The following MS4A4E variants were observed in gnomAD, a reference collection of about 807,000 sequenced individuals.
MS4A4E encodes putative membrane-spanning 4-domains subfamily A member 4E.
Under a neutral mutation model 13.3 loss-of-function variants are expected in MS4A4E, and 23 were observed. That is an observed-to-expected ratio of 1.73 (90% CI 1.25 to 2.45). The LOEUF (loss-of-function observed/expected upper bound fraction) is 2.45. MS4A4E is among the 30% of genes most tolerant of loss of function. The pLI is 0.00. For synonymous variants in MS4A4E, 36 were observed against 45.6 expected (o/e 0.79, Z 0.85); for missense variants, 144 against 131.2 (o/e 1.10, Z -0.48).
At chr11:60,206,611 G>T in intron 6 of MS4A4E, 2 of 178,396 alleles carry the variant, frequency 1.1e-5, no homozygotes, top group East Asian at 3.0e-4. Context: ...TTTCTCATGT[G>T]GGGTTCTTGT....
intron 8 of MS4A4E, among the ~76,000 whole-genome samples, chr11:60,203,592 T>C (rs2084009276): frequency 6.6e-6 from 1 of 151,904 alleles, no homozygotes; most frequent in African/African-American, 2.4e-5. Flanking sequence ...CTACAAAAAA[T>C]ACAAAAATAA....
chr11:60,214,516 A>G, intron 4 of MS4A4E, 55 bp downstream of exon 4: 2 of 1,258,482 alleles, frequency 1.6e-6, no homozygotes, highest in Non-Finnish European at 1.1e-6. Context: ...ACCCTGGCAG[A>G]ATACATTATT....
At chr11:60,203,935 ACAAG>A (rs2084012122) in intron 8 of MS4A4E, among the ~76,000 whole-genome samples, 1 of 152,240 alleles carries the variant, frequency 6.6e-6, no homozygotes, top group Non-Finnish European at 1.5e-5. Context: ...AGCCTTCTCT[ACAAG>A]TTGAAATCAT....
At chr11:60,238,396 T>C (rs1356699486) in intron 1 of MS4A4E, among the ~76,000 whole-genome samples, 1 of 152,066 alleles carries the variant, frequency 6.6e-6, no homozygotes, top group Non-Finnish European at 1.5e-5. Context: ...TCTTCTTCAG[T>C]CAGTTTTAGT....
intron 1 of MS4A4E, among the ~76,000 whole-genome samples, chr11:60,236,999 G>T (rs1273872277): frequency 6.6e-6 from 1 of 152,150 alleles, no homozygotes; most frequent in Non-Finnish European, 1.5e-5. Context: ...GCCTTCCAAA[G>T]TTCTGGGATT....
chr11:60,202,113 C>T (rs1340167910), intron 8 of MS4A4E, among the ~76,000 whole-genome samples: 2 of 152,180 alleles, frequency 1.3e-5, no homozygotes, highest in African/African-American at 2.4e-5. Context: ...CAATTCTTGG[C>T]CTAACTTCAA....
chr11:60,232,753 A>C (rs1249784596), intron 1 of MS4A4E, among the ~76,000 whole-genome samples: 2 of 152,078 alleles, frequency 1.3e-5, no homozygotes, highest in Non-Finnish European at 2.9e-5. Context: ...GCTAGAGTGC[A>C]TTCTGCTTCA....
chr11:60,200,868 T>C lies in MS4A4E; in HGVS notation c.*675A>G, dbSNP rs1405977003. 3.3e-4 allele frequency among the ~76,000 whole-genome samples: 50 copies of C among 150,046 alleles called. No homozygotes were observed. The highest frequency in any genetic ancestry group is 1.2e-3 in the African/African-American group (46 of 39,890). On this transcript the variant is annotated 3_prime_UTR_variant, in exon 9 of 9. Coordinates refer to ENST00000651255, the MANE Select transcript of MS4A4E (RefSeq NM_001393391.1). ...CTCCTCACTTCCCAGTAGGGGCGGC[T>C]GGGCAGAGGCACCCCTCACCTCCCG...
At chr11:60,210,952 A>C (rs561826735) in intron 5 of MS4A4E, among the ~76,000 whole-genome samples, 1 of 152,360 alleles carries the variant, frequency 6.6e-6, no homozygotes, top group South Asian at 2.1e-4. Context: ...AAATTTTTAA[A>C]AATAATTTCA....
intron 3 of MS4A4E, among the ~76,000 whole-genome samples, chr11:60,226,872 T>C (rs2084350636): frequency 6.7e-6 from 1 of 148,186 alleles, no homozygotes; most frequent in Non-Finnish European, 1.5e-5. Context: ...CGTGATTGTC[T>C]GTGTAGAATA....
chr11:60,224,658 T>G (rs1276026406), intron 3 of MS4A4E, among the ~76,000 whole-genome samples: 1 of 152,198 alleles, frequency 6.6e-6, no homozygotes, highest in Non-Finnish European at 1.5e-5. Flanking sequence ...ATTCTGGAAA[T>G]GATAAGCCCC....
At chr11:60,208,346 T>C (rs779379439) in intron 6 of MS4A4E, among the ~76,000 whole-genome samples, 77 of 152,132 alleles carry the variant, frequency 5.1e-4, no homozygotes, top group Non-Finnish European at 8.5e-4. Context: ...TAAAGGAAAT[T>C]AATTCCGCCA....
Position 60,243,073 on chromosome 11 carries a change from A to G in MS4A4E, c.-132T>C. 1 of 885,900 alleles carries G rather than the reference A, an allele frequency of 1.1e-6. No homozygotes were observed. 54.9% of individuals were successfully genotyped at this position (885,900 alleles called of 1,614,324 possible). The stretch of plus-strand genomic sequence containing the variant: ...GCTTCCCCCACTCCACACCTCACTC[A>G]GTTTAAATCTGCACTCCTTTTCTAG... On this transcript the variant is annotated 5_prime_UTR_variant, in exon 1 of 9. Transcript: ENST00000651255.
intron 3 of MS4A4E, among the ~76,000 whole-genome samples, chr11:60,227,467 T>C (rs1484995053): frequency 3.3e-5 from 5 of 151,934 alleles, no homozygotes; most frequent in Admixed American, 6.6e-5. Context: ...AGGAGAATGG[T>C]GTGAACCCGG....
At position 60,228,637 on chromosome 11, in the gene MS4A4E, G is replaced by T; in HGVS notation, c.145-10C>A. 1.4e-6 allele frequency: 1 copy of T among 696,884 alleles called. No individual in the cohort carries two copies. Among genetic ancestry groups the T allele is most frequent in the East Asian group, 2.7e-5 (1 of 37,104 alleles). The allele number at this position is 696,884 out of a possible 1,614,324, so 43.2% of individuals were successfully genotyped here. On this transcript the variant is annotated splice_polypyrimidine_tract_variant and intron_variant, in intron 2 of 8. Coordinates refer to ENST00000651255, the MANE Select transcript of MS4A4E (RefSeq NM_001393391.1). ...TATGTCCACACAAAACCTGCACACA[G>T]ATATTTATAGCAACGTTACTCCTAA...
At chr11:60,210,476 A>G (rs1316836180) in intron 5 of MS4A4E, among the ~76,000 whole-genome samples, 1 of 152,222 alleles carries the variant, frequency 6.6e-6, no homozygotes, top group Non-Finnish European at 1.5e-5. Context: ...AGCTTGAGCT[A>G]TACGAAACTG....
At position 60,236,348 on chromosome 11, in the gene MS4A4E, AT is replaced by A. The variant is rs557973045; in HGVS notation, c.-16-6278del. Among the ~76,000 whole-genome samples the A allele has an allele frequency of 3.6e-3, 541 of 152,306 alleles. 2 individuals are homozygous for A. Among genetic ancestry groups the A allele is most frequent in the Middle Eastern group, 0.024 (7 of 294 alleles). ...AAATTTCTGAAATAAGGTTGCTTGA[AT>A]TTTTTATAAAGATTGTGTTGAATCT... is the stretch of plus-strand genomic sequence containing the variant. On this transcript the variant is annotated intron_variant, in intron 1 of 8. Coordinates refer to ENST00000651255, the MANE Select transcript of MS4A4E (RefSeq NM_001393391.1).
chr11:60,229,925 G>T lies in MS4A4E; in HGVS notation c.131C>A (p.Pro44His). ...CAATTGACTTACCCCAAGGACTTTG[G>T]GTTTCCTCTTGAAGAACTTCTCTTG... The part of the protein sequence containing the change: ...GLQEKFFKRK[P>H]KVLGVLCGHK... Residue 44 changes from proline to histidine, a missense_variant, in exon 2 of 9, where the codon CCC becomes CAC. Pro to His is a moderately conservative substitution (Grantham distance 77, BLOSUM62 -2). Transcript: ENST00000651255. 1 of 1,607,128 alleles carries T rather than the reference G, an allele frequency of 6.2e-7. No homozygotes were observed. Among genetic ancestry groups the T allele is most frequent in the Non-Finnish European group, 8.5e-7 (1 of 1,176,390 alleles).
chr11:60,219,548 T>A (rs544748348), intron 3 of MS4A4E, among the ~76,000 whole-genome samples: 1 of 152,176 alleles, frequency 6.6e-6, no homozygotes, highest in Non-Finnish European at 1.5e-5. Flanking sequence ...ATTTGAATTA[T>A]AAAAACAGAG....
Sources: gnomAD v4.1 joint callset for allele counts (sites outside exome capture counted in the v4.1 genomes callset) on GRCh38, gnomAD v4.1.1 for gene constraint, MANE v1.5 for transcripts, NCBI Gene and HGNC (gene_info 2026-07-23, HGNC 2026-07-21) for gene names.